ZCWPW2: variants seen among roughly 807,000 people sequenced by gnomAD.
The protein encoded by ZCWPW2 is zinc finger CW-type PWWP domain protein 2.
A neutral mutation model predicts 46.6 loss-of-function variants in ZCWPW2; 45 were observed. The observed-to-expected ratio is 0.96, with a 90% CI of 0.76 to 1.24. ZCWPW2 has a LOEUF of 1.24. Ranked by LOEUF, ZCWPW2 falls within the 50% of genes most tolerant of loss-of-function variation. The pLI is 0.00. For synonymous variants in ZCWPW2, 152 were observed against 137.1 expected, an observed-to-expected ratio of 1.11 and a Z score of -0.76; for missense variants, 429 against 403.9, an observed-to-expected ratio of 1.06 and a Z score of -0.53.
intron 3 of ZCWPW2, among the ~76,000 whole-genome samples, chr3:28,429,479 G>A: frequency 6.6e-6 from 1 of 152,200 alleles, no homozygotes; most frequent in Middle Eastern, 3.2e-3. Context: ...TAAAAGGGAA[G>A]TAGAGCATAA....
chr3:28,434,849 AT>A (rs1697419037), intron 3 of ZCWPW2, among the ~76,000 whole-genome samples: 1 of 152,062 alleles, frequency 6.6e-6, no homozygotes, highest in Admixed American at 6.6e-5. Context: ...CCTGGAGATC[AT>A]TCTTTTGCTT....
At position 28,349,045 on chromosome 3, in the gene ZCWPW2, G is replaced by C. The variant is rs1577152294; in HGVS notation, c.-292G>C. ...GGACGCGCGAGGAAACCGGAAGTCAGGCCCGAGGGAGCTGGGAGGGCGTTA... is the reference window on the plus strand; with the variant it reads ...GGACGCGCGAGGAAACCGGAAGTCACGCCCGAGGGAGCTGGGAGGGCGTTA... On this transcript the variant is annotated 5_prime_UTR_variant, in exon 1 of 10. Coordinates refer to ENST00000383768, the MANE Select transcript of ZCWPW2 (RefSeq NM_001040432.4). 1.0e-6 allele frequency: 1 copy of C among 986,246 alleles called. No homozygotes were observed. Among genetic ancestry groups the C allele is most frequent in the Non-Finnish European group, 1.2e-6 (1 of 830,592 alleles). The allele number at this position is 986,246 out of a possible 1,614,324, so 61.1% of individuals were successfully genotyped here.
In ZCWPW2 at chr3:28,521,055, C is replaced by A; in HGVS notation, c.848C>A (p.Pro283His). The change falls in exon 9 of 10, where the codon CCC becomes CAC. Residue 283 changes from proline to histidine, a missense_variant. By Grantham distance (77) the Pro-to-His change is moderately conservative. Coordinates refer to ENST00000383768, the MANE Select transcript of ZCWPW2 (RefSeq NM_001040432.4). ...LEQMLQQALQPTATPDESEEG... is the reference protein window; with the variant it reads ...LEQMLQQALQHTATPDESEEG... ...CAAATGCTGCAGCAAGCACTGCAAC[C>A]CACAGCCACACCTGATGAATCAGAA... is the stretch of plus-strand genomic sequence containing the variant. 2 of 1,612,184 alleles carry A rather than the reference C, an allele frequency of 1.2e-6. No homozygotes were observed. Among genetic ancestry groups the A allele is most frequent in the Non-Finnish European group, 1.7e-6 (2 of 1,179,380 alleles).
intron 1 of ZCWPW2, among the ~76,000 whole-genome samples, chr3:28,349,859 A>G (rs1704471552): frequency 6.6e-6 from 1 of 152,222 alleles, no homozygotes; most frequent in Admixed American, 6.5e-5. Context: ...CCCAACTGTC[A>G]GCCCAATAGG....
rs535569351 is a variant in ZCWPW2 at position 28,446,822 on chromosome 3, T to G, written c.492+11553T>G. On this transcript the variant is annotated intron_variant, in intron 4 of 9. Transcript: ENST00000383768. ...AGACTCAAATTACTAAAGTCAGAAA[T>G]AAAGCAGGGACATTACTACCAATTC... Among the ~76,000 whole-genome samples the G allele has an allele frequency of 1.1e-4, 17 of 152,088 alleles. No individual in the cohort carries two copies. The South Asian group carries it at 3.5e-3, about 32-fold the overall frequency.
intron 4 of ZCWPW2, among the ~76,000 whole-genome samples, chr3:28,468,209 T>A (rs1055730719): frequency 6.6e-6 from 1 of 151,774 alleles, no homozygotes; most frequent in East Asian, 1.9e-4. Context: ...AATAGCAGAA[T>A]TGATCAAGCA....
intron 2 of ZCWPW2, among the ~76,000 whole-genome samples, chr3:28,391,047 G>A (rs764766667): frequency 3.3e-5 from 5 of 152,172 alleles, no homozygotes; most frequent in Non-Finnish European, 7.3e-5. Flanking sequence ...TGTCCTGGAT[G>A]TTAATGATTG....
intron 1 of ZCWPW2, among the ~76,000 whole-genome samples, chr3:28,359,442 A>G (rs1039646107): frequency 1.3e-5 from 2 of 152,122 alleles, no homozygotes; most frequent in Non-Finnish European, 1.5e-5. Context: ...GAGCTAACTT[A>G]CTTGACAAAA....
chr3:28,366,789 G>A (rs1187051194), intron 1 of ZCWPW2, among the ~76,000 whole-genome samples: 1 of 152,032 alleles, frequency 6.6e-6, no homozygotes, highest in Non-Finnish European at 1.5e-5. Context: ...TTTTTTGGTT[G>A]GTAAGCTATT....
At chr3:28,437,760 G>A (rs1001316568) in intron 4 of ZCWPW2, among the ~76,000 whole-genome samples, 1 of 152,132 alleles carries the variant, frequency 6.6e-6, no homozygotes, top group East Asian at 1.9e-4. Flanking sequence ...TTTTTAATCA[G>A]TATCTATAAA....
chr3:28,503,798 CAGACCT>C (rs1318232160), intron 6 of ZCWPW2, among the ~76,000 whole-genome samples: 2 of 151,992 alleles, frequency 1.3e-5, no homozygotes, highest in Non-Finnish European at 2.9e-5. Flanking sequence ...TTAAATGACA[CAGACCT>C]ATTTTCTTTC....
intron 4 of ZCWPW2, among the ~76,000 whole-genome samples, chr3:28,435,733 G>T (rs565861959): frequency 4.6e-5 from 7 of 151,996 alleles, no homozygotes; most frequent in Non-Finnish European, 1.0e-4. Flanking sequence ...TGATCAGCCC[G>T]CCCCGGCCTC....
intron 4 of ZCWPW2, among the ~76,000 whole-genome samples, chr3:28,438,508 C>T (rs1369304890): frequency 6.6e-6 from 1 of 152,022 alleles, no homozygotes; most frequent in African/African-American, 2.4e-5. Flanking sequence ...AGATAGCCGA[C>T]AACAATAAAA....
intron 4 of ZCWPW2, chr3:28,448,029 T>A (rs142425747): frequency 1.2e-4 from 44 of 375,752 alleles, no homozygotes; most frequent in East Asian, 5.2e-4. Flanking sequence ...AGCAGAAAAT[T>A]GTTGTGAAAT....
intron 1 of ZCWPW2, among the ~76,000 whole-genome samples, chr3:28,360,514 C>G (rs1251998172): frequency 6.8e-6 from 1 of 147,358 alleles, no homozygotes; most frequent in Non-Finnish European, 1.5e-5. Context: ...CAGAGCAAGA[C>G]TTTGTCTGAA....
At chr3:28,473,521 A>G (rs530773488) in intron 4 of ZCWPW2, among the ~76,000 whole-genome samples, 17 of 151,834 alleles carry the variant, frequency 1.1e-4, no homozygotes, top group Non-Finnish European at 2.9e-5. Flanking sequence ...CAGCCATCCC[A>G]CTCCTATGTA....
At chr3:28,370,359 A>G (rs770172888) in intron 1 of ZCWPW2, among the ~76,000 whole-genome samples, 1 of 152,232 alleles carries the variant, frequency 6.6e-6, no homozygotes, top group Non-Finnish European at 1.5e-5. Context: ...AATAGCTAGC[A>G]GTTTTAGAAT....
intron 1 of ZCWPW2, among the ~76,000 whole-genome samples, chr3:28,366,937 G>A (rs1015727893): frequency 1.3e-5 from 2 of 152,196 alleles, no homozygotes; most frequent in Admixed American, 1.3e-4. Flanking sequence ...GTGTAGAGGT[G>A]TTTATAGTAT....
At chr3:28,391,084 A>G (rs981187086) in intron 2 of ZCWPW2, among the ~76,000 whole-genome samples, 1 of 152,172 alleles carries the variant, frequency 6.6e-6, no homozygotes, top group Non-Finnish European at 1.5e-5. Context: ...TTAGACTAAA[A>G]TTATTTTCAA....
Sources: allele counts gnomAD v4.1 joint callset (sites outside exome capture counted in the v4.1 genomes callset), GRCh38; gene constraint gnomAD v4.1.1; transcripts MANE v1.5; gene names NCBI Gene and HGNC (gene_info 2026-07-23, HGNC 2026-07-21).